NEURL1: variants seen among roughly 807,000 people sequenced by gnomAD.
NEURL1 encodes E3 ubiquitin-protein ligase NEURL1.
NEURL1 carries 26 observed loss-of-function variants against 41.2 expected under a neutral mutation model. That is an observed-to-expected ratio of 0.63 (90% CI 0.46 to 0.87). The LOEUF is 0.87. Among genes scored for constraint, NEURL1 ranks in the 40% least tolerant of loss-of-function variants. The probability of loss-of-function intolerance (pLI) is 0.00; values close to 1 mark genes in which losing one functional copy is unlikely to be tolerated. For synonymous variants in NEURL1, 400 were observed against 402.3 expected, an observed-to-expected ratio of 0.99 and a Z score of 0.07; for missense variants, 761 against 871.1, an observed-to-expected ratio of 0.87 and a Z score of 1.59.
intron 1 of NEURL1, among the ~76,000 whole-genome samples, chr10:103,528,157 A>C (rs1328612607): frequency 2.6e-5 from 4 of 152,150 alleles, no homozygotes; most frequent in African/African-American, 9.7e-5. Flanking sequence ...GGAATTTGAG[A>C]CCAGCCTGGC....
At chr10:103,516,451 G>A (rs2034209460) in intron 1 of NEURL1, among the ~76,000 whole-genome samples, 1 of 151,446 alleles carries the variant, frequency 6.6e-6, no homozygotes, top group Admixed American at 6.6e-5. Context: ...TGTCAGAAGA[G>A]CCCTGAGATA....
intron 1 of NEURL1, among the ~76,000 whole-genome samples, chr10:103,529,214 C>T (rs2034522033): frequency 6.6e-6 from 1 of 152,110 alleles, no homozygotes; most frequent in Non-Finnish European, 1.5e-5. Context: ...AGAAGTGCAG[C>T]AAGAATAATT....
intron 1 of NEURL1, among the ~76,000 whole-genome samples, chr10:103,555,955 G>A (rs549491449): frequency 3.3e-5 from 5 of 152,236 alleles, no homozygotes; most frequent in African/African-American, 7.2e-5. Context: ...GTCTGTGCTC[G>A]TGAGTAGGCA....
intron 1 of NEURL1, among the ~76,000 whole-genome samples, chr10:103,501,197 G>T (rs1433540388): frequency 1.3e-5 from 2 of 152,238 alleles, no homozygotes; most frequent in African/African-American, 4.8e-5. Context: ...GAGGAGGTTA[G>T]ATTTTATCCT....
intron 1 of NEURL1, among the ~76,000 whole-genome samples, chr10:103,523,004 G>A (rs888028777): frequency 2.6e-5 from 4 of 151,612 alleles, no homozygotes; most frequent in African/African-American, 4.9e-5. Context: ...ATTTTTAATT[G>A]TCACATAATA....
At chr10:103,576,427 G>A (rs1357469319) in intron 3 of NEURL1, among the ~76,000 whole-genome samples, 1 of 152,178 alleles carries the variant, frequency 6.6e-6, no homozygotes, top group Non-Finnish European at 1.5e-5. Context: ...GGTGAGGGGT[G>A]TGCACAGGTG....
At chr10:103,523,327 A>G (rs2034394817) in intron 1 of NEURL1, among the ~76,000 whole-genome samples, 1 of 152,006 alleles carries the variant, frequency 6.6e-6, no homozygotes. Context: ...AGGTTGGCAC[A>G]TGCCTGTAGT....
At chr10:103,525,064 A>C (rs2034432896) in intron 1 of NEURL1, among the ~76,000 whole-genome samples, 2 of 152,156 alleles carry the variant, frequency 1.3e-5, no homozygotes, top group South Asian at 4.1e-4. Context: ...TTTAATCCAT[A>C]AACATGGATG....
chr10:103,550,199 A>T (rs915791505), intron 1 of NEURL1, among the ~76,000 whole-genome samples: 1 of 152,184 alleles, frequency 6.6e-6, no homozygotes, highest in African/African-American at 2.4e-5. Flanking sequence ...TGGTGAGGAA[A>T]GCCTTGAGCT....
chr10:103,516,086 A>C (rs1175015482), intron 1 of NEURL1, among the ~76,000 whole-genome samples: 1 of 151,354 alleles, frequency 6.6e-6, no homozygotes, highest in Non-Finnish European at 1.5e-5. Flanking sequence ...AAATTAGCCG[A>C]GTGTGGTGGT....
chr10:103,547,335 A>G (rs1171128115), intron 1 of NEURL1, among the ~76,000 whole-genome samples: 1 of 152,264 alleles, frequency 6.6e-6, no homozygotes, highest in African/African-American at 2.4e-5. Context: ...GGAGTACCCC[A>G]GCCAAGGGCC....
chr10:103,579,961 T>A (rs915417131), intron 3 of NEURL1, among the ~76,000 whole-genome samples: 27 of 151,656 alleles, frequency 1.8e-4, no homozygotes, highest in African/African-American at 6.5e-4. Flanking sequence ...ATAATAATAA[T>A]AAAAAAAACA....
intron 1 of NEURL1, among the ~76,000 whole-genome samples, chr10:103,554,991 C>T (rs2035113994): frequency 1.3e-5 from 2 of 152,130 alleles, no homozygotes; most frequent in Admixed American, 1.3e-4. Flanking sequence ...TGTGCGTGTG[C>T]GCGCCTCTGC....
At chr10:103,502,214 A>T (rs543782366) in intron 1 of NEURL1, among the ~76,000 whole-genome samples, 2 of 152,166 alleles carry the variant, frequency 1.3e-5, no homozygotes, top group East Asian at 1.9e-4. Flanking sequence ...CTTGGGGGGA[A>T]TTTCTCCATA....
Position 103,508,016 on chromosome 10 carries a change from C to G in NEURL1, c.85+13544C>G, listed in dbSNP as rs183730551. Among the ~76,000 whole-genome samples the G allele has an allele frequency of 1.8e-3, 267 of 152,290 alleles. No homozygotes were observed. Among genetic ancestry groups the G allele is most frequent in the African/African-American group, 5.3e-3 (222 of 41,548 alleles). Reference sequence around the variant, plus strand: ...CAGACCCCCACCCTGGGGCTCAGCACTTATTAAATTATAAAACTGTCAAGG... The same window carrying G: ...CAGACCCCCACCCTGGGGCTCAGCAGTTATTAAATTATAAAACTGTCAAGG... On this transcript the variant is annotated intron_variant, in intron 1 of 5. Coordinates refer to ENST00000369780, the MANE Select transcript of NEURL1 (RefSeq NM_004210.5). This position sits in a 1 kb window ranked among gnomAD's most constrained non-coding sequence, Gnocchi z 4.3.
chr10:103,561,553 T>C (rs905763535), intron 1 of NEURL1, among the ~76,000 whole-genome samples: 3 of 152,078 alleles, frequency 2.0e-5, no homozygotes, highest in Non-Finnish European at 4.4e-5. Flanking sequence ...CATGAGCCAC[T>C]GCACCAGCCA....
At chr10:103,555,313 C>T (rs1164218989) in intron 1 of NEURL1, 3 of 1,271,068 alleles carry the variant, frequency 2.4e-6, no homozygotes, top group Non-Finnish European at 3.1e-6. Context: ...GGGGAGCAGC[C>T]GGCCGGGGCG....
intron 1 of NEURL1, among the ~76,000 whole-genome samples, chr10:103,517,092 T>C (rs1396244732): frequency 1.3e-5 from 2 of 149,854 alleles, no homozygotes; most frequent in East Asian, 4.1e-4. Context: ...AGTGGCGTGA[T>C]CTCGTCTTAC....
chr10:103,558,505 G>C lies in NEURL1; in HGVS notation c.86-12367G>C, dbSNP rs1033556864. ...GGTACTCTGTGCCTGTGCCATGCCT[G>C]TGTGTGTGTGTGTGTGTGTGTGTGT... On this transcript the variant is annotated intron_variant, in intron 1 of 5. Coordinates refer to ENST00000369780, the MANE Select transcript of NEURL1 (RefSeq NM_004210.5). The surrounding 1 kb of genome is among the most constrained non-coding windows in gnomAD (Gnocchi z 4.2). Among the ~76,000 whole-genome samples, 5 of 24,608 alleles carry C rather than the reference G, an allele frequency of 2.0e-4. No individual in the cohort carries two copies. The highest frequency in any genetic ancestry group is 3.4e-4 in the African/African-American group (3 of 8,884). 16.1% of individuals were successfully genotyped at this position (24,608 alleles called of 152,430 possible).
Sources: gnomAD v4.1 joint callset for allele counts (sites outside exome capture counted in the v4.1 genomes callset) on GRCh38, gnomAD v4.1.1 for gene constraint, Gnocchi (gnomAD v3.1) non-coding constraint, MANE v1.5 for transcripts, NCBI Gene and HGNC (gene_info 2026-07-23, HGNC 2026-07-21) for gene names.